MLLT6: variants seen among roughly 807,000 people sequenced by gnomAD.
MLLT6 encodes MLLT6, PHD finger containing.
In MLLT6, 22 loss-of-function variants were observed where a neutral mutation model predicts 103.0. The observed-to-expected ratio is 0.21, with a 90% confidence interval of 0.15 to 0.31. MLLT6 has a LOEUF of 0.31. Among genes scored for constraint, MLLT6 ranks in the 10% least tolerant of loss-of-function variants. The pLI, the probability that MLLT6 is intolerant of heterozygous loss-of-function variation, is 1.00. For synonymous variants in MLLT6, 606 were observed against 623.5 expected (o/e 0.97, Z 0.42); for missense variants, 1,199 against 1,441.7 (o/e 0.83, Z 2.73).
rs1905085256 is a variant in MLLT6, at chr17:38,709,872, G to A, written c.552+297G>A. ...AAGCTGAGTGGAGGTGGAAATCAAA[G>A]TAAGAGCCAACATTTGTGTGGGAGG... On this transcript the variant is annotated intron_variant, in intron 6 of 19. Coordinates refer to ENST00000621332, the MANE Select transcript of MLLT6 (RefSeq NM_005937.4). The surrounding 1 kb of genome is among the most constrained non-coding windows in gnomAD (Gnocchi z 4.3). Among the ~76,000 whole-genome samples, 1 of 152,216 alleles carries A rather than the reference G, an allele frequency of 6.6e-6. No individual in the cohort carries two copies. The highest frequency in any genetic ancestry group is 2.4e-5 in the African/African-American group (1 of 41,460).
At chr17:38,710,285 G>A (rs1385071017) in intron 6 of MLLT6, among the ~76,000 whole-genome samples, 4 of 152,174 alleles carry the variant, frequency 2.6e-5, no homozygotes, top group African/African-American at 4.8e-5. Context: ...AGGGGTCCAG[G>A]GGGAGGCTGG....
chr17:38,719,185 C>A (rs1439158631), intron 12 of MLLT6: 2 of 376,214 alleles, frequency 5.3e-6, no homozygotes, highest in Non-Finnish European at 4.8e-6. Flanking sequence ...AAGTTGATGT[C>A]AGGTTTAAGT....
chr17:38,720,537 C>T lies in MLLT6; in HGVS notation c.2321C>T (p.Pro774Leu). The T allele has an allele frequency of 6.2e-7, 1 of 1,612,302 alleles. No individual in the cohort carries two copies. Among genetic ancestry groups the T allele is most frequent in the Non-Finnish European group, 8.5e-7 (1 of 1,179,620 alleles). ...GCTGCCCTGCCTGCCGCCAACGGCC[C>T]TGTCCCTGGGCCCTATGGCCTGCCT... ...LPAALPAANG[P>L]VPGPYGLPPQ... Residue 774 changes from proline (P) to leucine (L), a missense_variant, in exon 15 of 20, where the codon CCT becomes CTT. By Grantham distance (98) the Pro-to-Leu change is moderately conservative. Coordinates refer to ENST00000621332, the MANE Select transcript of MLLT6 (RefSeq NM_005937.4).
intron 16 of MLLT6, 131 bp downstream of exon 16, chr17:38,720,878 C>CCTG: frequency 2.5e-6 from 2 of 789,810 alleles, no homozygotes; most frequent in Non-Finnish European, 4.1e-6. Context: ...TCCATTCAGT[C>CCTG]CTCCCTTAAT....
chr17:38,719,835 G>C lies in MLLT6; in HGVS notation c.2095G>C (p.Gly699Arg). The change falls in exon 14 of 20, where the codon GGG becomes CGG. Residue 699 changes from glycine (G) to arginine (R), a missense_variant. Physicochemically the swap from Gly to Arg is moderately radical, Grantham distance 125. This residue lies in a region of MLLT6 where 1,034 missense variants were observed against 1,091.5 expected (regional missense o/e 0.95). Coordinates refer to ENST00000621332, the MANE Select transcript of MLLT6 (RefSeq NM_005937.4). Reference sequence around the variant, plus strand: ...CGGCCAGTTAGACCCGGCGGCCCCAGGGACGACTAACATGGAGCAGCTTCT... The same window carrying C: ...CGGCCAGTTAGACCCGGCGGCCCCACGGACGACTAACATGGAGCAGCTTCT... ...GGGQLDPAAPGTTNMEQLLEK... is the reference protein window; with the variant it reads ...GGGQLDPAAPRTTNMEQLLEK... 6.2e-7 allele frequency: 1 copy of C among 1,612,244 alleles called. No homozygotes were observed. Among genetic ancestry groups the C allele is most frequent in the Non-Finnish European group, 8.5e-7 (1 of 1,179,502 alleles).
At chr17:38,722,378 A>G (rs1167149288) in intron 17 of MLLT6, 151 bp downstream of exon 17, 2 of 643,108 alleles carry the variant, frequency 3.1e-6, no homozygotes, top group Non-Finnish European at 5.1e-6. Flanking sequence ...CTTGGCCTCT[A>G]AGGACTCCAC....
Position 38,717,387 on chromosome 17 carries a change from G to C in MLLT6, c.1652-45G>C. ...AGCCACCTGGCTGAGCAGGAGTCTG[G>C]GGTGGAGAGTAACCACGTGCTTCCC... On this transcript the variant is annotated intron_variant, in intron 10 of 19. Transcript: ENST00000621332. 2 of 1,480,878 alleles carry C rather than the reference G, an allele frequency of 1.4e-6. 1 individual carries two copies. Among genetic ancestry groups the C allele is most frequent in the South Asian group, 2.6e-5 (2 of 77,432 alleles). 91.7% of individuals were successfully genotyped at this position (1,480,878 alleles called of 1,614,324 possible).
At chr17:38,715,219 T>TCTTCTC (rs1905283981) in intron 8 of MLLT6, 1 of 173,688 alleles carries the variant, frequency 5.8e-6, no homozygotes, top group Admixed American at 5.6e-5. Context: ...CTGTGGGTCC[T>TCTTCTC]CTTCTCTGCC....
rs144629864 is a variant in MLLT6, at chr17:38,712,126, C to T, written c.720+112C>T. The T allele has an allele frequency of 6.4e-3, 8,808 of 1,372,834 alleles. 37 individuals carry two copies. Among genetic ancestry groups the T allele is most frequent in the Non-Finnish European group, 7.5e-3 (7,944 of 1,057,570 alleles). The allele number at this position is 1,372,834 out of a possible 1,614,324, so 85.0% of individuals were successfully genotyped here. ...CTTAAGGTCTTGGCCCTGCCTTCTT[C>T]CTTCCTCTGAGGCCACTGAGGGCAG... is the stretch of plus-strand genomic sequence containing the variant. On this transcript the variant is annotated intron_variant, in intron 7 of 19. Coordinates refer to ENST00000621332, the MANE Select transcript of MLLT6 (RefSeq NM_005937.4).
rs751190841 is a variant in MLLT6, at chr17:38,716,386, C to G, written c.1056C>G (p.Ser352=). The G allele has an allele frequency of 6.2e-7, 1 of 1,613,134 alleles. No individual in the cohort carries two copies. The highest frequency in any genetic ancestry group is 8.5e-7 in the Non-Finnish European group (1 of 1,179,634). The change falls in exon 10 of 20, where the codon TCC becomes TCG. Residue 352 remains serine, a synonymous_variant. Transcript: ENST00000621332. The surrounding 1 kb of genome is among the most constrained non-coding windows in gnomAD (Gnocchi z 5.6). ...FQPAVSSLQS[S]PDFSAFPKLE... ...GCACAGTCTCGTCCCTGCAGAGCTCCCCTGACTTCTCTGCATTCCCCAAGC... is the reference window on the plus strand; with the variant it reads ...GCACAGTCTCGTCCCTGCAGAGCTCGCCTGACTTCTCTGCATTCCCCAAGC...
intron 7 of MLLT6, 109 bp downstream of exon 7, chr17:38,712,123 C>T (rs527980893): frequency 8.0e-6 from 11 of 1,374,002 alleles, no homozygotes; most frequent in African/African-American, 7.4e-5. Context: ...GCCCTGCCTT[C>T]TTCCTTCCTC....
Position 38,727,279 on chromosome 17 carries a change from A to T in MLLT6, c.*1681A>T. 4.5e-6 allele frequency: 1 copy of T among 223,254 alleles called. No homozygotes were observed. Among genetic ancestry groups the T allele is most frequent in the South Asian group, 1.9e-4 (1 of 5,340 alleles). 13.8% of individuals were successfully genotyped at this position (223,254 alleles called of 1,614,324 possible). ...TAATATTAATATTCCTGTTGATAAG[A>T]CTTTGTAAGATGTTAGGGAGCTGAT... On this transcript the variant is annotated 3_prime_UTR_variant, in exon 20 of 20. Coordinates refer to ENST00000621332, the MANE Select transcript of MLLT6 (RefSeq NM_005937.4).
rs774966274 is a variant in MLLT6 at position 38,716,768 on chromosome 17, C to T, written c.1438C>T (p.Arg480Cys). 8 of 1,609,540 alleles carry T rather than the reference C, an allele frequency of 5.0e-6. No homozygotes were observed. The highest frequency in any genetic ancestry group is 2.2e-5 in the South Asian group (2 of 90,440). The change falls in exon 10 of 20, where the codon CGT becomes TGT. Residue 480 changes from arginine (R) to cysteine (C), a missense_variant. Around this residue, in one of 7 missense-constraint regions of MLLT6, gnomAD observed 1,034 missense variants for 1,091.5 expected, o/e 0.95. Transcript: ENST00000621332. The surrounding 1 kb of genome is among the most constrained non-coding windows in gnomAD (Gnocchi z 5.6). ...ASKRSRHGPG[R>C]PKGSRNKEGT... The stretch of plus-strand genomic sequence containing the variant: ...CAAGAGGAGCCGCCATGGGCCAGGC[C>T]GTCCCAAGGGCAGCCGGAACAAGGA...
At chr17:38,719,687 G>C (rs1905577271) in intron 13 of MLLT6, 63 bp from the exon 14 acceptor site, 2 of 1,579,048 alleles carry the variant, frequency 1.3e-6, no homozygotes, top group Non-Finnish European at 1.7e-6. Flanking sequence ...GGGGATACGG[G>C]AGAAGGGCCA....
At chr17:38,720,014 C>CT in intron 14 of MLLT6, 119 bp downstream of exon 14, 1 of 1,352,834 alleles carries the variant, frequency 7.4e-7, no homozygotes, top group African/African-American at 1.5e-5. Context: ...AGCCTTGACT[C>CT]TCGGCCACCC....
chr17:38,719,921 A>G (rs756981280), intron 14 of MLLT6, 26 bp downstream of exon 14: 1 of 1,549,530 alleles, frequency 6.5e-7, no homozygotes, highest in South Asian at 1.2e-5. Context: ...GCCGGTCGGG[A>G]CGCCTGCCCT....
rs768206255 is a variant in MLLT6 at position 38,728,453 on chromosome 17, G to A, written c.*2855G>A. ...TGGAAACGCATGAGAGCAGAGCTTC[G>A]TGTGTTCCCACCCTCAGTGAGGAGG... On this transcript the variant is annotated 3_prime_UTR_variant, in exon 20 of 20. Transcript: ENST00000621332. 9 of 233,366 alleles carry A rather than the reference G, an allele frequency of 3.9e-5. No homozygotes were observed. Among genetic ancestry groups the A allele is most frequent in the Non-Finnish European group, 5.9e-5 (7 of 118,140 alleles). The allele number at this position is 233,366 out of a possible 1,614,324, so 14.5% of individuals were successfully genotyped here.
At chr17:38,705,969 G>A (rs1430091468) in intron 1 of MLLT6, 9 of 225,242 alleles carry the variant, frequency 4.0e-5, no homozygotes, top group Non-Finnish European at 6.0e-5. Flanking sequence ...CTAAGTTGAG[G>A]GAGTTTGGGG....
In MLLT6 at chr17:38,716,731, G is replaced by A. The variant is rs756201225; in HGVS notation, c.1401G>A (p.Lys467=). The A allele has an allele frequency of 3.7e-6, 6 of 1,609,526 alleles. No individual in the cohort carries two copies. In the Admixed American group the frequency reaches 8.4e-5, roughly 23 times the overall value. ...ETPETGLKEK[K]HKASKRSRHG... Reference sequence around the variant, plus strand: ...CTGAGACAGGCCTGAAGGAGAAGAAGCACAAAGCCAGCAAGAGGAGCCGCC... The same window carrying A: ...CTGAGACAGGCCTGAAGGAGAAGAAACACAAAGCCAGCAAGAGGAGCCGCC... Residue 467 remains lysine (K), a synonymous_variant, in exon 10 of 20, where the codon AAG becomes AAA. Coordinates refer to ENST00000621332, the MANE Select transcript of MLLT6 (RefSeq NM_005937.4). The surrounding 1 kb of genome is among the most constrained non-coding windows in gnomAD (Gnocchi z 5.6).
Sources: allele counts gnomAD v4.1 joint callset (sites outside exome capture counted in the v4.1 genomes callset), GRCh38; gene constraint gnomAD v4.1.1; regional missense constraint gnomAD v4.1.1; non-coding constraint Gnocchi (gnomAD v3.1); transcripts MANE v1.5; gene names NCBI Gene and HGNC (gene_info 2026-07-23, HGNC 2026-07-21).